LCOR: variants seen among roughly 807,000 people sequenced by gnomAD.
The protein encoded by LCOR is ligand-dependent corepressor.
LCOR carries 14 observed loss-of-function variants against 64.4 expected under a neutral mutation model. The observed-to-expected ratio is 0.22, with a 90% CI of 0.14 to 0.34. The LOEUF is 0.34. LCOR is among the 10% of genes least tolerant of loss of function. The pLI is 1.00. For missense variants in LCOR, 1,686 were observed against 1,765.3 expected (o/e 0.96, Z 0.80); for synonymous variants, 643 against 642.5 (o/e 1.00, Z -0.01).
chr10:96,958,536 T>C (rs1320405398), intron 7 of LCOR: 2 of 709,020 alleles, frequency 2.8e-6, no homozygotes, highest in African/African-American at 1.8e-5. Context: ...TTTGAGTACT[T>C]CTATTATTTG....
chr10:96,955,511 A>G, intron 7 of LCOR: 1 of 1,614,216 alleles, frequency 6.2e-7, no homozygotes, highest in Non-Finnish European at 8.5e-7. Flanking sequence ...CTATTCTTCC[A>G]AAACAAAGTA....
chr10:96,882,749 A>G (rs1169131279), intron 2 of LCOR, among the ~76,000 whole-genome samples: 1 of 152,120 alleles, frequency 6.6e-6, no homozygotes, highest in Non-Finnish European at 1.5e-5. Flanking sequence ...CCTCTTGCCT[A>G]ACTCTGGCAA....
chr10:96,891,482 C>CTTT (rs745839487), intron 2 of LCOR, among the ~76,000 whole-genome samples: 17 of 28,498 alleles, frequency 6.0e-4, no homozygotes, highest in African/African-American at 8.5e-4. Flanking sequence ...TTTTCTGACT[C>CTTT]TTTTTTTTTT....
chr10:96,920,358 T>C (rs933487754), intron 4 of LCOR, among the ~76,000 whole-genome samples: 3 of 149,836 alleles, frequency 2.0e-5, no homozygotes, highest in Admixed American at 1.3e-4. Flanking sequence ...CGGTTGTTTC[T>C]TGTTAAATTG....
intron 4 of LCOR, among the ~76,000 whole-genome samples, chr10:96,925,250 ATTT>A (rs2134480378): frequency 6.6e-6 from 1 of 151,808 alleles, no homozygotes; most frequent in Admixed American, 6.6e-5. Context: ...TAATTTTTGT[ATTT>A]TTAGTAGAGA....
At chr10:96,838,615 CATA>C (rs757974597) in intron 2 of LCOR, among the ~76,000 whole-genome samples, 5 of 152,188 alleles carry the variant, frequency 3.3e-5, no homozygotes, top group Non-Finnish European at 4.4e-5. Flanking sequence ...TTTCACTTAG[CATA>C]ATGTTTTTAA....
intron 2 of LCOR, among the ~76,000 whole-genome samples, chr10:96,837,577 C>T (rs1845468741): frequency 6.6e-6 from 1 of 152,150 alleles, no homozygotes; most frequent in Admixed American, 6.6e-5. Context: ...TTTAAACCAC[C>T]TTTACAGGGA....
intron 5 of LCOR, among the ~76,000 whole-genome samples, chr10:96,948,090 T>A (rs1288182472): frequency 6.6e-6 from 1 of 152,220 alleles, no homozygotes; most frequent in Admixed American, 6.5e-5. Context: ...ACAAGTCATT[T>A]TCCCTTTCAT....
At chr10:96,955,423 G>T (rs149734567) in intron 7 of LCOR, 5 of 1,614,012 alleles carry the variant, frequency 3.1e-6, no homozygotes, top group African/African-American at 1.3e-5. Context: ...TGGGAGTCTC[G>T]CACTGGTGAT....
At chr10:96,858,415 T>C (rs1380845191) in intron 2 of LCOR, among the ~76,000 whole-genome samples, 2 of 152,182 alleles carry the variant, frequency 1.3e-5, no homozygotes, top group Admixed American at 1.3e-4. Flanking sequence ...GACCTTTAGA[T>C]TGTGAGTATA....
At chr10:96,888,468 T>C (rs1255443899) in intron 2 of LCOR, among the ~76,000 whole-genome samples, 2 of 149,696 alleles carry the variant, frequency 1.3e-5, no homozygotes, top group Non-Finnish European at 3.0e-5. Context: ...ACTGCGGGCA[T>C]GAGAACTTCC....
At chr10:96,907,221 A>G (rs959778055) in intron 2 of LCOR, 44 bp from the exon 3 acceptor site, 5 of 652,520 alleles carry the variant, frequency 7.7e-6, no homozygotes, top group Non-Finnish European at 9.5e-6. Flanking sequence ...TCAATACTAG[A>G]ATGAATATTA....
chr10:96,848,503 C>T (rs576202759), intron 2 of LCOR, among the ~76,000 whole-genome samples: 1 of 152,184 alleles, frequency 6.6e-6, no homozygotes, highest in African/African-American at 2.4e-5. Flanking sequence ...ACTAAAAATA[C>T]AAAAATTAGC....
intron 2 of LCOR, among the ~76,000 whole-genome samples, chr10:96,884,557 T>C (rs1258276165): frequency 6.6e-6 from 1 of 152,210 alleles, no homozygotes; most frequent in South Asian, 2.1e-4. Flanking sequence ...ACAGCACTTC[T>C]CAAACTTCAG....
At chr10:96,940,267 A>G (rs573898524) in intron 4 of LCOR, among the ~76,000 whole-genome samples, 1 of 149,886 alleles carries the variant, frequency 6.7e-6, no homozygotes, top group Admixed American at 6.7e-5. Flanking sequence ...TTATAAAAGA[A>G]TGTTGGCAAA....
Position 96,983,491 on chromosome 10 carries a change from A to G in LCOR, c.3031A>G (p.Ser1011Gly). 2 of 1,614,142 alleles carry G rather than the reference A, an allele frequency of 1.2e-6. No homozygotes were observed. Among genetic ancestry groups the G allele is most frequent in the Non-Finnish European group, 8.5e-7 (1 of 1,180,022 alleles). ...AGATGATGAGAGTGATGCCCCATGC[A>G]GCTCTCTTGGGTTGTCGAGTAGTGG... ...QKDDESDAPC[S>G]SLGLSSSGSG... Residue 1011 changes from serine (S) to glycine (G), a missense_variant, in exon 8 of 8, where the codon AGC becomes GGC. Physicochemically the swap from Ser to Gly is moderately conservative, Grantham distance 56. This residue lies in a region of LCOR where 1,293 missense variants were observed against 1,410.4 expected (regional missense o/e 0.92). Transcript: ENST00000421806. This position sits in a 1 kb window ranked among gnomAD's most constrained non-coding sequence, Gnocchi z 4.5.
At chr10:96,890,759 G>A (rs1362625337) in intron 2 of LCOR, among the ~76,000 whole-genome samples, 1 of 152,152 alleles carries the variant, frequency 6.6e-6, no homozygotes, top group Non-Finnish European at 1.5e-5. Context: ...ATGAAAAGGT[G>A]TTGGACTTTG....
At chr10:96,851,651 T>TA (rs1230370735) in intron 2 of LCOR, among the ~76,000 whole-genome samples, 1 of 152,186 alleles carries the variant, frequency 6.6e-6, no homozygotes, top group African/African-American at 2.4e-5. Flanking sequence ...GCAAACATTT[T>TA]AAAAAAGCCA....
chr10:96,877,166 A>T (rs1237889333), intron 2 of LCOR, among the ~76,000 whole-genome samples: 1 of 152,134 alleles, frequency 6.6e-6, no homozygotes, highest in African/African-American at 2.4e-5. Flanking sequence ...AAACTATCTT[A>T]AAAAAATGGC....
Sources: gnomAD v4.1 joint callset for allele counts (sites outside exome capture counted in the v4.1 genomes callset) on GRCh38, gnomAD v4.1.1 for gene constraint, gnomAD v4.1.1 regional missense constraint, Gnocchi (gnomAD v3.1) non-coding constraint, MANE v1.5 for transcripts, NCBI Gene and HGNC (gene_info 2026-07-23, HGNC 2026-07-21) for gene names.